The following SLCO3A1 variants were observed in gnomAD, a reference collection of about 807,000 sequenced individuals.
The protein encoded by SLCO3A1 is PGE1 transporter.
Under a neutral mutation model 63.1 loss-of-function variants are expected in SLCO3A1, and 27 were observed. The observed-to-expected ratio is 0.43, with a 90% CI of 0.32 to 0.59. SLCO3A1 has a LOEUF of 0.59. Ranked by LOEUF, SLCO3A1 falls within the 20% of genes least tolerant of loss-of-function variation. The pLI is 0.09. For synonymous variants in SLCO3A1, 473 were observed against 409.9 expected, an observed-to-expected ratio of 1.15 and a Z score of -1.86; for missense variants, 773 against 945.8, an observed-to-expected ratio of 0.82 and a Z score of 2.40.
At chr15:92,024,560 A>C (rs2046547945) in intron 2 of SLCO3A1, among the ~76,000 whole-genome samples, 2 of 152,220 alleles carry the variant, frequency 1.3e-5, no homozygotes, top group African/African-American at 4.8e-5. Flanking sequence ...ATGTCTGCCT[A>C]ACAAATGTTT....
intron 2 of SLCO3A1, among the ~76,000 whole-genome samples, chr15:92,043,448 G>T (rs2046822888): frequency 6.6e-6 from 1 of 152,192 alleles, no homozygotes; most frequent in African/African-American, 2.4e-5. Flanking sequence ...AGGACTGCCA[G>T]CCTCTCACTG....
intron 1 of SLCO3A1, among the ~76,000 whole-genome samples, chr15:91,907,922 G>C (rs981139689): frequency 5.9e-5 from 9 of 152,182 alleles, no homozygotes; most frequent in Admixed American, 4.6e-4. Context: ...CCCAGGTGTA[G>C]AGAGGGCAGT....
chr15:92,077,436 G>T (rs760900521), intron 2 of SLCO3A1, among the ~76,000 whole-genome samples: 6 of 152,174 alleles, frequency 3.9e-5, no homozygotes, highest in African/African-American at 1.4e-4. Context: ...TCCTACAGGC[G>T]GGGGAGCCAC....
chr15:92,052,797 T>G (rs1031839647), intron 2 of SLCO3A1, among the ~76,000 whole-genome samples: 1 of 149,836 alleles, frequency 6.7e-6, no homozygotes, highest in African/African-American at 2.4e-5. Context: ...ATAAGTACAT[T>G]TTATATTTAT....
At chr15:91,874,666 C>T (rs900348497) in intron 1 of SLCO3A1, among the ~76,000 whole-genome samples, 2 of 152,222 alleles carry the variant, frequency 1.3e-5, no homozygotes, top group African/African-American at 4.8e-5. Flanking sequence ...GTTGCTTCCA[C>T]ATGTTGGCTA....
intron 4 of SLCO3A1, among the ~76,000 whole-genome samples, chr15:92,120,055 A>G (rs78241864): frequency 0.035 from 5,272 of 151,952 alleles, 330 homozygotes; most frequent in African/African-American, 0.12. Context: ...ATATATTGAT[A>G]TTTATACTTT....
At chr15:92,053,392 C>G (rs1037202722) in intron 2 of SLCO3A1, among the ~76,000 whole-genome samples, 7 of 152,196 alleles carry the variant, frequency 4.6e-5, no homozygotes, top group Non-Finnish European at 7.3e-5. Context: ...TAACATCTTA[C>G]ATTAATATGG....
rs1325334757 is a variant in SLCO3A1 at position 92,128,485 on chromosome 15, G to A, written c.1508G>A (p.Ser503Asn). ...YLSACFAGCNSTNLTGCACLT... is the reference protein window; with the variant it reads ...YLSACFAGCNNTNLTGCACLT... ...TCTGCCTGCTTTGCTGGCTGCAACA[G>A]CACGGTAATGGGATGGGGCAGGGGA... Residue 503 changes from serine to asparagine, a missense_variant, in exon 7 of 10, where the codon AGC becomes AAC. By Grantham distance (46) the Ser-to-Asn change is conservative. Transcript: ENST00000318445. 3 of 1,613,160 alleles carry A rather than the reference G, an allele frequency of 1.9e-6. No homozygotes were observed. The highest frequency in any genetic ancestry group is 1.1e-5 in the South Asian group (1 of 90,984).
chr15:91,963,636 G>A (rs185078017), intron 2 of SLCO3A1, among the ~76,000 whole-genome samples: 8 of 152,130 alleles, frequency 5.3e-5, no homozygotes, highest in Admixed American at 3.9e-4. Context: ...GGACCTTCGC[G>A]GTGAGTGTTA....
At chr15:92,106,520 CA>C (rs1190928089) in intron 4 of SLCO3A1, among the ~76,000 whole-genome samples, 1 of 152,176 alleles carries the variant, frequency 6.6e-6, no homozygotes, top group African/African-American at 2.4e-5. Flanking sequence ...GTGTGGCTTT[CA>C]AAGGACATCC....
At chr15:91,867,757 G>A (rs895424936) in intron 1 of SLCO3A1, among the ~76,000 whole-genome samples, 20 of 152,216 alleles carry the variant, frequency 1.3e-4, no homozygotes, top group African/African-American at 4.8e-4. Context: ...TAGTCACCGG[G>A]GCCTGGGAAG....
intron 4 of SLCO3A1, among the ~76,000 whole-genome samples, chr15:92,108,823 G>GC (rs1319873339): frequency 6.6e-6 from 1 of 152,036 alleles, no homozygotes; most frequent in Non-Finnish European, 1.5e-5. Flanking sequence ...TCCCCAGGAA[G>GC]CCCCCCAAAG....
chr15:91,887,188 G>GT, intron 1 of SLCO3A1, among the ~76,000 whole-genome samples: 1 of 152,180 alleles, frequency 6.6e-6, no homozygotes, highest in Non-Finnish European at 1.5e-5. Context: ...TGGGCCACAG[G>GT]TTGATGGCAT....
intron 2 of SLCO3A1, among the ~76,000 whole-genome samples, chr15:91,957,000 T>TAA (rs1491096636): frequency 7.4e-4 from 19 of 25,840 alleles, no homozygotes; most frequent in Non-Finnish European, 9.6e-4. Flanking sequence ...ATAGTATATA[T>TAA]TATATATATA....
rs557456535 is a variant in SLCO3A1, at chr15:91,993,839, T to C, written c.646+77381T>C. ...TTCTACCCTGCTCTCTTGGATCGCTTGCTCTGGAGGGAAGCTGGTCACCAT... is the reference window on the plus strand; with the variant it reads ...TTCTACCCTGCTCTCTTGGATCGCTCGCTCTGGAGGGAAGCTGGTCACCAT... On this transcript the variant is annotated intron_variant, in intron 2 of 9. Coordinates refer to ENST00000318445, the MANE Select transcript of SLCO3A1 (RefSeq NM_013272.4). Among the ~76,000 whole-genome samples the C allele has an allele frequency of 4.9e-4, 74 of 152,346 alleles. No individual in the cohort carries two copies. The South Asian group carries it at 5.4e-3, about 11-fold the overall frequency.
At position 92,094,884 on chromosome 15, in the gene SLCO3A1, T is replaced by G. The variant is rs751930192; in HGVS notation, c.650T>G (p.Ile217Ser). The G allele has an allele frequency of 6.2e-7, 1 of 1,610,680 alleles. No individual in the cohort carries two copies. The highest frequency in any genetic ancestry group is 8.5e-7 in the Non-Finnish European group (1 of 1,177,034). The stretch of plus-strand genomic sequence containing the variant: ...TTTTTTCTTCATCTTCCTTCAGGAA[T>G]CCTGTTCACGATGCTGGTATTTGGA... ...RRKDSSLYIGILFTMLVFGPA... is the reference protein window; with the variant it reads ...RRKDSSLYIGSLFTMLVFGPA... The change falls in exon 3 of 10, where the codon ATC becomes AGC. Residue 217 changes from isoleucine to serine, a missense_variant. By Grantham distance (142) the Ile-to-Ser change is moderately radical. Coordinates refer to ENST00000318445, the MANE Select transcript of SLCO3A1 (RefSeq NM_013272.4).
chr15:91,974,117 A>G (rs533979296), intron 2 of SLCO3A1, among the ~76,000 whole-genome samples: 1 of 152,116 alleles, frequency 6.6e-6, no homozygotes, highest in African/African-American at 2.4e-5. Flanking sequence ...CCATCTGGAA[A>G]AGACTCACGG....
At chr15:91,952,455 G>C (rs1196004040) in intron 2 of SLCO3A1, among the ~76,000 whole-genome samples, 1 of 152,214 alleles carries the variant, frequency 6.6e-6, no homozygotes, top group African/African-American at 2.4e-5. Context: ...CATAAAGTAG[G>C]AACCGGTGAT....
At chr15:92,011,224 AT>A (rs1488829768) in intron 2 of SLCO3A1, among the ~76,000 whole-genome samples, 1 of 152,190 alleles carries the variant, frequency 6.6e-6, no homozygotes, top group Non-Finnish European at 1.5e-5. Flanking sequence ...TCTCTCAGAT[AT>A]CCAAATGGCT....
Sources: allele counts gnomAD v4.1 joint callset (sites outside exome capture counted in the v4.1 genomes callset), GRCh38; gene constraint gnomAD v4.1.1; transcripts MANE v1.5; gene names NCBI Gene and HGNC (gene_info 2026-07-23, HGNC 2026-07-21).